Variants in WIPF2 observed in about 807,000 individuals in gnomAD.
The protein encoded by WIPF2 is WAS/WASL-interacting protein family member 2.
In WIPF2, 23 loss-of-function variants were observed where a neutral mutation model predicts 38.8. The observed-to-expected ratio is 0.59, with a 90% CI of 0.43 to 0.84. The LOEUF is 0.84. Among genes scored for constraint, WIPF2 ranks in the 40% least tolerant of loss-of-function variants. WIPF2 has a pLI of 0.00. For synonymous variants in WIPF2, 210 were observed against 223.2 expected, an observed-to-expected ratio of 0.94 and a Z score of 0.53; for missense variants, 574 against 580.5, an observed-to-expected ratio of 0.99 and a Z score of 0.11.
intron 1 of WIPF2, among the ~76,000 whole-genome samples, chr17:40,254,048 A>T (rs1598485063): frequency 6.8e-6 from 1 of 146,532 alleles, no homozygotes; most frequent in African/African-American, 2.5e-5. Context: ...ACAGAGTCTC[A>T]CTCTGTCATC....
chr17:40,267,992 T>A (rs954501166), intron 5 of WIPF2, among the ~76,000 whole-genome samples: 3 of 151,974 alleles, frequency 2.0e-5, no homozygotes, highest in Non-Finnish European at 2.9e-5. Context: ...AAAATAATTT[T>A]AAAAAATTAG....
chr17:40,263,019 G>A (rs563636037), intron 4 of WIPF2, among the ~76,000 whole-genome samples: 22 of 152,320 alleles, frequency 1.4e-4, no homozygotes, highest in Admixed American at 7.8e-4. Flanking sequence ...ACTCGTAGAA[G>A]TAGAGAGTGA....
chr17:40,261,682 G>T (rs9913812), intron 3 of WIPF2, among the ~76,000 whole-genome samples: 36,675 of 142,408 alleles, frequency 0.26, 6,660 homozygotes, highest in African/African-American at 0.54. Context: ...TTTTTTTTTG[G>T]TTTTTTTTGT....
chr17:40,241,090 A>G (rs754072697), intron 1 of WIPF2, among the ~76,000 whole-genome samples: 7 of 152,126 alleles, frequency 4.6e-5, no homozygotes, highest in African/African-American at 7.2e-5. Flanking sequence ...CAGACACCAC[A>G]GTGTCTTTAC....
Position 40,280,257 on chromosome 17 carries a change from T to G in WIPF2, c.*2032T>G, listed in dbSNP as rs939047094. The G allele has an allele frequency of 6.6e-6, 1 of 152,076 alleles. No homozygotes were observed. Among genetic ancestry groups the G allele is most frequent in the Non-Finnish European group, 1.5e-5 (1 of 68,022 alleles). The allele number at this position is 152,076 out of a possible 1,614,324, so 9.4% of individuals were successfully genotyped here. ...GCCGAGGCGGGCGGATCACCTGAGGTCAGAAGTTCGAGACCAGCCTGTCCA... is the reference window on the plus strand; with the variant it reads ...GCCGAGGCGGGCGGATCACCTGAGGGCAGAAGTTCGAGACCAGCCTGTCCA... On this transcript the variant is annotated 3_prime_UTR_variant, in exon 8 of 8. Coordinates refer to ENST00000323571, the MANE Select transcript of WIPF2 (RefSeq NM_133264.5).
At chr17:40,253,559 G>A (rs1192216669) in intron 1 of WIPF2, among the ~76,000 whole-genome samples, 3 of 152,124 alleles carry the variant, frequency 2.0e-5, no homozygotes, top group Admixed American at 6.5e-5. Flanking sequence ...TTACTGTTTC[G>A]ATCAATTTTT....
At chr17:40,232,508 G>A (rs561787283) in intron 1 of WIPF2, among the ~76,000 whole-genome samples, 1 of 150,728 alleles carries the variant, frequency 6.6e-6, no homozygotes, top group Admixed American at 6.6e-5. Flanking sequence ...TTGTATTTTT[G>A]TAGATGCTTT....
At chr17:40,264,356 AAAAC>A (rs1389540850) in intron 4 of WIPF2, 130 bp from the exon 5 acceptor site, 53 of 689,936 alleles carry the variant, frequency 7.7e-5, no homozygotes, top group African/African-American at 5.2e-4. Context: ...AAAAAAAAGA[AAAAC>A]AAAAAACCCA....
chr17:40,229,574 T>G (rs1307105882), intron 1 of WIPF2, among the ~76,000 whole-genome samples: 1 of 152,060 alleles, frequency 6.6e-6, no homozygotes, highest in African/African-American at 2.4e-5. Flanking sequence ...TGCACCACCA[T>G]GTCTGGCTAA....
chr17:40,262,056 C>CTTTCT (rs766660128), intron 3 of WIPF2, among the ~76,000 whole-genome samples: 3 of 146,726 alleles, frequency 2.0e-5, no homozygotes, highest in East Asian at 2.0e-4. Flanking sequence ...CCTAGCTTTC[C>CTTTCT]TTTCTTTTCT....
intron 1 of WIPF2, chr17:40,220,390 CTTTTTTCTTT>C (rs916506016): frequency 1.3e-5 from 2 of 150,878 alleles, no homozygotes; most frequent in African/African-American, 4.9e-5. Flanking sequence ...TGATGGAATT[CTTTTTTCTTT>C]TTTTTTCTTT....
At chr17:40,220,597 A>ATATATG (rs2030164460) in intron 1 of WIPF2, 1 of 79,506 alleles carries the variant, frequency 1.3e-5, no homozygotes, top group Non-Finnish European at 2.3e-5. Context: ...ATATATATAT[A>ATATATG]TATATATATA....
chr17:40,221,721 T>C (rs372591431), intron 1 of WIPF2, among the ~76,000 whole-genome samples: 4 of 4 alleles, frequency 1, 2 homozygotes, highest in Non-Finnish European at 1. Flanking sequence ...ACTGGTACTA[T>C]AGGCATGCAC....
intron 6 of WIPF2, among the ~76,000 whole-genome samples, chr17:40,276,195 AGTT>A (rs1386645043): frequency 1.3e-5 from 2 of 152,214 alleles, no homozygotes; most frequent in Admixed American, 6.5e-5. Context: ...GATTTAGATC[AGTT>A]GTTTTCCCGT....
intron 1 of WIPF2, among the ~76,000 whole-genome samples, chr17:40,255,784 A>G (rs2031705764): frequency 1.3e-5 from 2 of 151,236 alleles, no homozygotes; most frequent in Middle Eastern, 3.4e-3. Flanking sequence ...GCCCACCACC[A>G]CACCGCTACT....
At chr17:40,263,554 C>T (rs552886465) in intron 4 of WIPF2, among the ~76,000 whole-genome samples, 1 of 144,440 alleles carries the variant, frequency 6.9e-6, no homozygotes, top group Non-Finnish European at 1.5e-5. Flanking sequence ...CGTCCCCCCC[C>T]CCCCCGCAAA....
chr17:40,233,967 G>A (rs1282323434), intron 1 of WIPF2, among the ~76,000 whole-genome samples: 3 of 152,168 alleles, frequency 2.0e-5, no homozygotes, highest in Non-Finnish European at 2.9e-5. Flanking sequence ...GGAGGATGAG[G>A]CAGGAGAATT....
intron 3 of WIPF2, among the ~76,000 whole-genome samples, chr17:40,261,123 G>A (rs1406516672): frequency 6.7e-6 from 1 of 150,244 alleles, no homozygotes; most frequent in East Asian, 2.0e-4. Context: ...TGAGGACACT[G>A]TCACATTCCT....
intron 2 of WIPF2, among the ~76,000 whole-genome samples, chr17:40,259,540 A>T (rs999860273): frequency 2.0e-5 from 3 of 151,954 alleles, no homozygotes; most frequent in Admixed American, 1.3e-4. Flanking sequence ...TTGTTTATTA[A>T]TGATGTGACG....
Sources: allele counts gnomAD v4.1 joint callset (sites outside exome capture counted in the v4.1 genomes callset), GRCh38; gene constraint gnomAD v4.1.1; transcripts MANE v1.5; gene names NCBI Gene and HGNC (gene_info 2026-07-23, HGNC 2026-07-21).